Variants in ADSS1 observed in about 807,000 individuals in gnomAD.
ADSS1 encodes adenylosuccinate synthase 1.
Under a neutral mutation model 59.1 loss-of-function variants are expected in ADSS1, and 57 were observed. The observed-to-expected ratio is 0.97, with a 90% CI of 0.78 to 1.20. The LOEUF is 1.20. ADSS1 is among the 50% of genes most tolerant of loss of function. The pLI is 0.00. For missense variants in ADSS1, 603 were observed against 610.3 expected (o/e 0.99, Z 0.13); for synonymous variants, 247 against 249.4 (o/e 0.99, Z 0.09).
chr14:104,738,261 G>A, intron 2 of ADSS1, 115 bp from the exon 3 acceptor site: 1 of 1,067,850 alleles, frequency 9.4e-7, no homozygotes, highest in Non-Finnish European at 1.4e-6. Flanking sequence ...GCCTCCCAAA[G>A]TGCTAGGATT....
rs1891291992 is a variant in ADSS1 at position 104,740,230 on chromosome 14, TACCC to T, written c.477-368_477-365del. ...CTCAGAGAGGTGATGGTCACACACT[TACCC>T]ACTCACACTCTCACACAGGCACACA... On this transcript the variant is annotated intron_variant, in intron 5 of 12. Transcript: ENST00000330877. The surrounding 1 kb of genome is among the most constrained non-coding windows in gnomAD (Gnocchi z 4.8). Among the ~76,000 whole-genome samples the T allele has an allele frequency of 6.6e-6, 1 of 151,754 alleles. No individual in the cohort carries two copies.
chr14:104,728,686 A>T (rs1430089279), intron 1 of ADSS1, among the ~76,000 whole-genome samples: 1 of 152,226 alleles, frequency 6.6e-6, no homozygotes, highest in Non-Finnish European at 1.5e-5. Context: ...GGTTGGGCCC[A>T]GGAGCCTCAC....
intron 1 of ADSS1, among the ~76,000 whole-genome samples, chr14:104,733,990 A>G (rs1472873970): frequency 6.6e-6 from 1 of 152,178 alleles, no homozygotes; most frequent in Non-Finnish European, 1.5e-5. Flanking sequence ...GCTCTGTCAC[A>G]CTGGGCCTAC....
chr14:104,742,930 A>G, intron 9 of ADSS1, 137 bp from the exon 10 acceptor site: 2 of 1,290,158 alleles, frequency 1.6e-6, no homozygotes, highest in Non-Finnish European at 1.1e-6. Flanking sequence ...CGGGAGCTGG[A>G]TGTAAGGACT....
At position 104,724,410 on chromosome 14, in the gene ADSS1, G is replaced by A. The variant is rs2140735010; in HGVS notation, c.140G>A (p.Gly47Asp). Residue 47 changes from glycine to aspartate, a missense_variant, in exon 1 of 13, where the codon GGC becomes GAC. Transcript: ENST00000330877. ...GCGCAGTGGGGGGACGAGGGCAAAG[G>A]CAAGGTGGTGGACCTGCTGGCCACG... Reference protein sequence around the residue: ...LGAQWGDEGKGKVVDLLATDA... With the variant: ...LGAQWGDEGKDKVVDLLATDA... 2 of 1,265,218 alleles carry A rather than the reference G, an allele frequency of 1.6e-6. No individual in the cohort carries two copies. Among genetic ancestry groups the A allele is most frequent in the Admixed American group, 3.8e-5 (1 of 26,452 alleles). 78.4% of individuals were successfully genotyped at this position (1,265,218 alleles called of 1,614,324 possible).
At position 104,742,014 on chromosome 14, in the gene ADSS1, G is replaced by A. The variant is rs1466995293; in HGVS notation, c.948+12G>A. On this transcript the variant is annotated intron_variant, in intron 9 of 12. Transcript: ENST00000330877. ...CCGAGCAGATCAACGTGAGTCCCCA[G>A]CCCCTCGGGACCCCGTGGGAGGACA... The A allele has an allele frequency of 3.7e-6, 6 of 1,611,988 alleles. No individual in the cohort carries two copies. The highest frequency in any genetic ancestry group is 5.1e-6 in the Non-Finnish European group (6 of 1,179,620).
chr14:104,735,883 G>A (rs1054290906), intron 2 of ADSS1, among the ~76,000 whole-genome samples: 1 of 152,170 alleles, frequency 6.6e-6, no homozygotes, highest in Non-Finnish European at 1.5e-5. Context: ...TGATCCCAGT[G>A]GCCAAGCCAG....
intron 1 of ADSS1, among the ~76,000 whole-genome samples, chr14:104,733,460 C>T (rs867806608): frequency 5.3e-5 from 8 of 152,318 alleles, no homozygotes; most frequent in Middle Eastern, 6.8e-3. Context: ...CACGAGGCGC[C>T]GGGGCTGTTT....
chr14:104,724,423 C>T lies in ADSS1; in HGVS notation c.153C>T (p.Asp51=). 1 of 1,263,608 alleles carries T rather than the reference C, an allele frequency of 7.9e-7. No homozygotes were observed. Among genetic ancestry groups the T allele is most frequent in the Non-Finnish European group, 1.0e-6 (1 of 999,232 alleles). 78.3% of individuals were successfully genotyped at this position (1,263,608 alleles called of 1,614,324 possible). A position where few individuals can be genotyped will look rare whatever the true frequency, so the allele number is the denominator to read the frequency against. ...WGDEGKGKVV[D]LLATDADIIS... Reference sequence around the variant, plus strand: ...ACGAGGGCAAAGGCAAGGTGGTGGACCTGCTGGCCACGGACGCCGACATCA... The same window carrying T: ...ACGAGGGCAAAGGCAAGGTGGTGGATCTGCTGGCCACGGACGCCGACATCA... The change falls in exon 1 of 13, where the codon GAC becomes GAT. Residue 51 remains aspartate, a synonymous_variant. Coordinates refer to ENST00000330877, the MANE Select transcript of ADSS1 (RefSeq NM_152328.5).
chr14:104,739,663 G>A (rs1181428243), intron 4 of ADSS1, 87 bp from the exon 5 acceptor site: 1 of 1,448,344 alleles, frequency 6.9e-7, no homozygotes, highest in Admixed American at 1.7e-5. Context: ...AGGAGACTCA[G>A]GCCAGCAGGA....
chr14:104,746,054 C>G (rs753399837), intron 11 of ADSS1, 182 bp from the exon 12 acceptor site: 21 of 677,638 alleles, frequency 3.1e-5, no homozygotes, highest in Non-Finnish European at 5.1e-5. Flanking sequence ...CCACTGCTGT[C>G]CCCTGCTTAC....
intron 9 of ADSS1, 151 bp from the exon 10 acceptor site, chr14:104,742,916 T>C: frequency 8.6e-7 from 1 of 1,161,442 alleles, no homozygotes; most frequent in South Asian, 1.4e-5. Flanking sequence ...GGTGTGGGGA[T>C]GTCCGGGAGC....
chr14:104,725,261 C>T (rs965251103), intron 1 of ADSS1, among the ~76,000 whole-genome samples: 2 of 152,222 alleles, frequency 1.3e-5, no homozygotes, highest in African/African-American at 2.4e-5. Context: ...CGGGCCGCCA[C>T]CCTGGGGCTA....
chr14:104,739,083 C>A (rs1179370873), intron 3 of ADSS1, among the ~76,000 whole-genome samples: 3 of 152,148 alleles, frequency 2.0e-5, no homozygotes, highest in Non-Finnish European at 4.4e-5. Flanking sequence ...GTGGGCGAAG[C>A]CTGCAGGCAC....
Position 104,730,065 on chromosome 14 carries a change from C to G in ADSS1, c.193-4955C>G, listed in dbSNP as rs73360625. The G allele has an allele frequency of 3.3e-3, 5,141 of 1,564,974 alleles. 100 individuals carry two copies. The African/African-American group carries it at 0.052, about 16-fold the overall frequency. ...CACTCCGTGCCAGCTCAGCCCACCCCTCACCTTCCCAGTGCCTGTGGAGGC... is the reference window on the plus strand; with the variant it reads ...CACTCCGTGCCAGCTCAGCCCACCCGTCACCTTCCCAGTGCCTGTGGAGGC... On this transcript the variant is annotated intron_variant, in intron 1 of 12. Transcript: ENST00000330877.
intron 12 of ADSS1, among the ~76,000 whole-genome samples, 161 bp downstream of exon 12, chr14:104,746,546 G>A (rs1004406747): frequency 3.3e-5 from 5 of 152,232 alleles, no homozygotes; most frequent in Non-Finnish European, 7.3e-5. Context: ...CTGGGGCAGT[G>A]TGGCTCCGGG....
intron 1 of ADSS1, chr14:104,730,262 G>A (rs1890874475): frequency 6.9e-7 from 1 of 1,444,908 alleles, no homozygotes; most frequent in Non-Finnish European, 9.2e-7. Flanking sequence ...GGGAGGCCGA[G>A]GCGAGCGGAT....
chr14:104,724,391 T>C lies in ADSS1; in HGVS notation c.121T>C (p.Trp41Arg), dbSNP rs765892435. Reference sequence around the variant, plus strand: ...CGTGACGGTGGTGCTGGGCGCGCAGTGGGGGGACGAGGGCAAAGGCAAGGT... The same window carrying C: ...CGTGACGGTGGTGCTGGGCGCGCAGCGGGGGGACGAGGGCAAAGGCAAGGT... ...SRVTVVLGAQWGDEGKGKVVD... is the reference protein window; with the variant it reads ...SRVTVVLGAQRGDEGKGKVVD... Residue 41 changes from tryptophan (W) to arginine (R), a missense_variant, in exon 1 of 13, where the codon TGG becomes CGG. Coordinates refer to ENST00000330877, the MANE Select transcript of ADSS1 (RefSeq NM_152328.5). 7.9e-7 allele frequency: 1 copy of C among 1,259,570 alleles called. No individual in the cohort carries two copies. The allele number at this position is 1,259,570 out of a possible 1,614,324, so 78.0% of individuals were successfully genotyped here.
chr14:104,730,069 C>G, intron 1 of ADSS1: 1 of 1,563,278 alleles, frequency 6.4e-7, no homozygotes, highest in Non-Finnish European at 8.7e-7. Context: ...CCACCCCTCA[C>G]CTTCCCAGTG....
Sources: allele counts gnomAD v4.1 joint callset (sites outside exome capture counted in the v4.1 genomes callset), GRCh38; gene constraint gnomAD v4.1.1; non-coding constraint Gnocchi (gnomAD v3.1); transcripts MANE v1.5; gene names NCBI Gene and HGNC (gene_info 2026-07-23, HGNC 2026-07-21).